Variants in CLEC2L observed in about 807,000 individuals in gnomAD.
CLEC2L encodes the protein C-type lectin domain family 2, member L.
Under a neutral mutation model 23.6 loss-of-function variants are expected in CLEC2L, and 14 were observed. The ratio of observed to expected loss-of-function variants is 0.59; its 90% CI spans 0.39 to 0.93. The LOEUF is 0.93. CLEC2L is among the 40% of genes least tolerant of loss of function. The probability of loss-of-function intolerance (pLI) is 0.00; values close to 1 mark genes in which losing one functional copy is unlikely to be tolerated. For synonymous variants in CLEC2L, 114 were observed against 121.3 expected (o/e 0.94, Z 0.40); for missense variants, 264 against 282.4 (o/e 0.93, Z 0.47).
chr7:139,542,893 G>A (rs1179718709), intron 4 of CLEC2L, among the ~76,000 whole-genome samples: 1 of 152,170 alleles, frequency 6.6e-6, no homozygotes, highest in East Asian at 1.9e-4. Flanking sequence ...GAAATGCAGG[G>A]AAGTGTGCAG....
chr7:139,533,647 C>T (rs574743040), intron 1 of CLEC2L, among the ~76,000 whole-genome samples: 6 of 152,178 alleles, frequency 3.9e-5, no homozygotes, highest in Non-Finnish European at 5.9e-5. Context: ...TGAGCCACTG[C>T]GCTCTGCACT....
intron 2 of CLEC2L, among the ~76,000 whole-genome samples, chr7:139,538,057 A>G (rs1019233410): frequency 3.3e-5 from 5 of 152,224 alleles, no homozygotes; most frequent in Non-Finnish European, 5.9e-5. Flanking sequence ...AATGGCGGAA[A>G]AGTCCACCAA....
At chr7:139,542,768 T>C (rs963217044) in intron 4 of CLEC2L, among the ~76,000 whole-genome samples, 3 of 151,968 alleles carry the variant, frequency 2.0e-5, no homozygotes, top group Non-Finnish European at 4.4e-5. Flanking sequence ...TGATGCCAGG[T>C]CTGGTGTGTG....
At chr7:139,535,789 G>A (rs1475898192) in intron 1 of CLEC2L, among the ~76,000 whole-genome samples, 1 of 152,124 alleles carries the variant, frequency 6.6e-6, no homozygotes, top group Non-Finnish European at 1.5e-5. Context: ...AGGGCTGAAC[G>A]GGTTATTTTG....
intron 1 of CLEC2L, among the ~76,000 whole-genome samples, chr7:139,535,888 T>C (rs921935094): frequency 6.6e-6 from 1 of 152,234 alleles, no homozygotes; most frequent in Non-Finnish European, 1.5e-5. Context: ...GAAGATTTCA[T>C]GAGCAGTGGG....
rs968768535 is a variant in CLEC2L, at chr7:139,542,061, G to C, written c.473G>C (p.Gly158Ala). The change falls in exon 4 of 5, where the codon GGA (glycine) becomes GCA (alanine). Residue 158 changes from glycine (G) to alanine (A), a missense_variant. Transcript: ENST00000422142. ...TTCACGCGGAGGGAGCCCTGGATTGGACTACGCAGAGTTGGGGACGAATTC... is the reference window on the plus strand; with the variant it reads ...TTCACGCGGAGGGAGCCCTGGATTGCACTACGCAGAGTTGGGGACGAATTC... ...FKFTRREPWI[G>A]LRRVGDEFHW... 2 of 1,613,188 alleles carry C rather than the reference G, an allele frequency of 1.2e-6. No homozygotes were observed. Among genetic ancestry groups the C allele is most frequent in the African/African-American group, 1.3e-5 (1 of 74,914 alleles).
chr7:139,536,305 C>T lies in CLEC2L; in HGVS notation c.222C>T (p.Ile74=), dbSNP rs370234589. ...CCACACGCCTCCTGCTGGGTGCCATCGCGGTCCTTCTGTTCGCCATCTTGG... is the reference window on the plus strand; with the variant it reads ...CCACACGCCTCCTGCTGGGTGCCATTGCGGTCCTTCTGTTCGCCATCTTGG... ...DTTTRLLLGA[I]AVLLFAILVV... Residue 74 remains isoleucine (I), a synonymous_variant, in exon 2 of 5, where the codon ATC becomes ATT. Coordinates refer to ENST00000422142, the MANE Select transcript of CLEC2L (RefSeq NM_001080511.4). 143 of 1,551,474 alleles carry T rather than the reference C, an allele frequency of 9.2e-5. No individual in the cohort carries two copies. In the African/African-American group the frequency reaches 1.5e-3, roughly 16 times the overall value.
chr7:139,539,519 A>G lies in CLEC2L; in HGVS notation c.266-802A>G, dbSNP rs534247291. ...TTCGTGGAAGCAGTCTGCAGACTGG[A>G]GATCCCATGACGACTGGAAGACAGC... On this transcript the variant is annotated intron_variant, in intron 2 of 4. Coordinates refer to ENST00000422142, the MANE Select transcript of CLEC2L (RefSeq NM_001080511.4). The surrounding 1 kb of genome is among the most constrained non-coding windows in gnomAD (Gnocchi z 4.1). 2 of 152,340 alleles carry G rather than the reference A, an allele frequency of 1.3e-5. No individual in the cohort carries two copies. Among genetic ancestry groups the G allele is most frequent in the South Asian group, 4.2e-4 (2 of 4,818 alleles). The allele number at this position is 152,340 out of a possible 1,614,324, so 9.4% of individuals were successfully genotyped here.
intron 1 of CLEC2L, among the ~76,000 whole-genome samples, chr7:139,529,592 C>T (rs1191012687): frequency 6.6e-6 from 1 of 152,208 alleles, no homozygotes; most frequent in African/African-American, 2.4e-5. Context: ...GCCCAGTCCT[C>T]CAGTGCAGGC....
intron 1 of CLEC2L, 39 bp from the exon 2 acceptor site, chr7:139,536,235 A>T: frequency 6.6e-7 from 1 of 1,506,060 alleles, no homozygotes; most frequent in Non-Finnish European, 9.0e-7. Context: ...TGGCGGTGGG[A>T]TGGGCGGTGG....
At chr7:139,542,576 G>GC (rs1797751757) in intron 4 of CLEC2L, among the ~76,000 whole-genome samples, 1 of 152,268 alleles carries the variant, frequency 6.6e-6, no homozygotes. Context: ...TCTGTCCCGG[G>GC]CAGCCTCGTG....
intron 1 of CLEC2L, among the ~76,000 whole-genome samples, chr7:139,525,867 C>CCA (rs1371589045): frequency 6.6e-6 from 1 of 152,172 alleles, no homozygotes; most frequent in Non-Finnish European, 1.5e-5. Context: ...GCAGAACAGA[C>CCA]CACACACCAA....
In CLEC2L at chr7:139,540,595, G is replaced by A. The variant is rs1036774098; in HGVS notation, c.432+108G>A. ...AAGGATGCAGTGTTCCCTGTGACAC[G>A]TCTCCAAAGCCGCCCACCTGCTGCA... On this transcript the variant is annotated intron_variant, in intron 3 of 4. Transcript: ENST00000422142. The surrounding 1 kb of genome is among the most constrained non-coding windows in gnomAD (Gnocchi z 5.8). 1.5e-5 allele frequency: 20 copies of A among 1,337,584 alleles called. No individual in the cohort carries two copies. In the African/African-American group the frequency reaches 2.2e-4, roughly 15 times the overall value. The allele number at this position is 1,337,584 out of a possible 1,614,324, so 82.9% of individuals were successfully genotyped here.
chr7:139,524,216 G>C (rs927935665), intron 1 of CLEC2L, 99 bp downstream of exon 1: 5 of 1,045,040 alleles, frequency 4.8e-6, no homozygotes, highest in East Asian at 6.2e-5. Context: ...CGCTGTCCCG[G>C]AGGGGAGCGC....
intron 1 of CLEC2L, among the ~76,000 whole-genome samples, chr7:139,530,189 A>C (rs1797561445): frequency 6.6e-6 from 1 of 152,056 alleles, no homozygotes; most frequent in African/African-American, 2.4e-5. Context: ...GTGTCAAAAA[A>C]AAAACCAAAC....
chr7:139,533,784 C>T (rs1359987026), intron 1 of CLEC2L, among the ~76,000 whole-genome samples: 2 of 152,192 alleles, frequency 1.3e-5, no homozygotes, highest in Admixed American at 1.3e-4. Flanking sequence ...AAATGAATAA[C>T]TAGCAGCAGG....
chr7:139,539,988 C>A lies in CLEC2L; in HGVS notation c.266-333C>A. On this transcript the variant is annotated intron_variant, in intron 2 of 4. Coordinates refer to ENST00000422142, the MANE Select transcript of CLEC2L (RefSeq NM_001080511.4). The surrounding 1 kb of genome is among the most constrained non-coding windows in gnomAD (Gnocchi z 4.1). ...GTCCTGCTGTTGGTACCTGGCCTAG[C>A]TGGAAGGAGAGGACACATAGCCGCC... is the stretch of plus-strand genomic sequence containing the variant. 3.3e-6 allele frequency: 1 copy of A among 304,920 alleles called. No homozygotes were observed. Among genetic ancestry groups the A allele is most frequent in the Non-Finnish European group, 6.2e-6 (1 of 160,482 alleles). The allele number at this position is 304,920 out of a possible 1,614,324, so 18.9% of individuals were successfully genotyped here.
chr7:139,536,241 G>A lies in CLEC2L; in HGVS notation c.191-33G>A, dbSNP rs769857795. On this transcript the variant is annotated intron_variant, in intron 1 of 4. Coordinates refer to ENST00000422142, the MANE Select transcript of CLEC2L (RefSeq NM_001080511.4). ...CAGTGGGACTGGCGGTGGGATGGGC[G>A]GTGGGATGTTGAACCCCTCTCTCTT... The A allele has an allele frequency of 1.1e-4, 166 of 1,527,190 alleles. 1 individual carries two copies. Among genetic ancestry groups the A allele is most frequent in the Non-Finnish European group, 1.3e-4 (149 of 1,125,650 alleles). The allele number at this position is 1,527,190 out of a possible 1,614,324, so 94.6% of individuals were successfully genotyped here.
Position 139,544,432 on chromosome 7 carries a change from C to G in CLEC2L, c.*90C>G. On this transcript the variant is annotated 3_prime_UTR_variant, in exon 5 of 5. Transcript: ENST00000422142. ...ACCTGCTTCCAGCGGAGCCGCCTGC[C>G]CTCTGCAAGGCGAAGCGGTGGGTGC... 1.0e-6 allele frequency: 1 copy of G among 962,324 alleles called. No homozygotes were observed. Among genetic ancestry groups the G allele is most frequent in the Non-Finnish European group, 1.6e-6 (1 of 628,222 alleles). 59.6% of individuals were successfully genotyped at this position (962,324 alleles called of 1,614,324 possible).
Sources: gnomAD v4.1 joint callset for allele counts (sites outside exome capture counted in the v4.1 genomes callset) on GRCh38, gnomAD v4.1.1 for gene constraint, Gnocchi (gnomAD v3.1) non-coding constraint, MANE v1.5 for transcripts, NCBI Gene and HGNC (gene_info 2026-07-23, HGNC 2026-07-21) for gene names.